WLS: variants seen among roughly 807,000 people sequenced by gnomAD.
WLS encodes Wnt ligand secretion mediator.
A neutral mutation model predicts 62.8 loss-of-function variants in WLS; 23 were observed. The ratio of observed to expected loss-of-function variants is 0.37; its 90% CI spans 0.26 to 0.52. The LOEUF (loss-of-function observed/expected upper bound fraction) is 0.52, where lower values mean the gene tolerates loss of function less well. Ranked by LOEUF, WLS falls within the 20% of genes least tolerant of loss-of-function variation. WLS has a pLI of 0.92. For missense variants in WLS, 615 were observed against 697.3 expected (o/e 0.88, Z 1.33); for synonymous variants, 246 against 244.1 (o/e 1.01, Z -0.07).
intron 11 of WLS, among the ~76,000 whole-genome samples, chr1:68,135,492 A>G (rs1646595409): frequency 6.6e-6 from 1 of 152,046 alleles, no homozygotes; most frequent in South Asian, 2.1e-4. Context: ...TTAGGAGATC[A>G]CTTACATTTG....
intron 1 of WLS, chr1:68,202,764 G>C (rs757468071): frequency 3.3e-5 from 5 of 152,086 alleles, no homozygotes; most frequent in Non-Finnish European, 7.4e-5. Flanking sequence ...TTACTACCTT[G>C]GGCTATGATG....
At chr1:68,106,344 C>G (rs1646142579) in intron 11 of WLS, among the ~76,000 whole-genome samples, 1 of 152,028 alleles carries the variant, frequency 6.6e-6, no homozygotes, top group South Asian at 2.1e-4. Flanking sequence ...CGAGGGGGGC[C>G]TAAGGGAGCC....
At chr1:68,112,381 G>A (rs1426587595) in intron 11 of WLS, among the ~76,000 whole-genome samples, 1 of 152,200 alleles carries the variant, frequency 6.6e-6, no homozygotes, top group African/African-American at 2.4e-5. Flanking sequence ...AAAGCAAAAT[G>A]TGTGGGTCCC....
chr1:68,140,339 G>C (rs1248566429), intron 10 of WLS, among the ~76,000 whole-genome samples: 2 of 152,162 alleles, frequency 1.3e-5, no homozygotes, highest in Non-Finnish European at 2.9e-5. Flanking sequence ...TCTGAAGGTA[G>C]CACATGAGGC....
intron 2 of WLS, among the ~76,000 whole-genome samples, chr1:68,182,342 A>C (rs1647631360): frequency 6.6e-6 from 1 of 152,218 alleles, no homozygotes; most frequent in Admixed American, 6.5e-5. Flanking sequence ...TCAAAGCCAA[A>C]GGTTCCCATG....
chr1:68,142,761 A>G (rs1441532207), intron 10 of WLS: 2 of 152,156 alleles, frequency 1.3e-5, no homozygotes, highest in Non-Finnish European at 2.9e-5. Flanking sequence ...AGAGCTAGCA[A>G]CACTAACACT....
At chr1:68,220,763 A>C (rs1484877734) in intron 1 of WLS, among the ~76,000 whole-genome samples, 1 of 152,220 alleles carries the variant, frequency 6.6e-6, no homozygotes, top group Non-Finnish European at 1.5e-5. Flanking sequence ...CAACTTTCAA[A>C]ATTACTAAAA....
intron 2 of WLS, chr1:68,161,904 T>C: frequency 6.2e-7 from 1 of 1,610,410 alleles, no homozygotes; most frequent in East Asian, 2.2e-5. Context: ...GAAGTCCTCC[T>C]GGAGCCACGC....
chr1:68,160,319 T>A (rs964799570), intron 2 of WLS, among the ~76,000 whole-genome samples: 13 of 152,154 alleles, frequency 8.5e-5, no homozygotes, highest in Non-Finnish European at 1.2e-4. Context: ...TGTTTTTTTT[T>A]AATTGACTTA....
chr1:68,207,766 TGTACTAAAAG>T (rs1649336751), intron 1 of WLS, among the ~76,000 whole-genome samples: 1 of 152,246 alleles, frequency 6.6e-6, no homozygotes, highest in Admixed American at 6.5e-5. Flanking sequence ...TTTGTAAAAG[TGTACTAAAAG>T]GTACTCGCCT....
chr1:68,130,457 CAAA>C (rs1024788391), intron 11 of WLS, among the ~76,000 whole-genome samples: 1 of 152,144 alleles, frequency 6.6e-6, no homozygotes, highest in Non-Finnish European at 1.5e-5. Flanking sequence ...TGTCTACCTC[CAAA>C]GCTTATGTTC....
At chr1:68,197,562 T>C (rs1209796243) in intron 1 of WLS, among the ~76,000 whole-genome samples, 1 of 152,162 alleles carries the variant, frequency 6.6e-6, no homozygotes, top group Non-Finnish European at 1.5e-5. Context: ...TAAACAGACA[T>C]CCTGATATTC....
chr1:68,147,218 A>G (rs1646764028), intron 8 of WLS, among the ~76,000 whole-genome samples: 1 of 152,148 alleles, frequency 6.6e-6, no homozygotes, highest in Admixed American at 6.5e-5. Flanking sequence ...TACTCACTCC[A>G]TCCTATCTAC....
intron 2 of WLS, among the ~76,000 whole-genome samples, chr1:68,168,986 G>A (rs1020164904): frequency 2.2e-4 from 34 of 152,342 alleles, no homozygotes; most frequent in South Asian, 8.3e-4. Flanking sequence ...CTACAGGCCT[G>A]GGTGTGAGTG....
intron 11 of WLS, among the ~76,000 whole-genome samples, chr1:68,128,399 G>C (rs796724558): frequency 9.2e-5 from 14 of 152,318 alleles, no homozygotes; most frequent in African/African-American, 2.9e-4. Flanking sequence ...ATCTGGGCTA[G>C]CCATCAGAAC....
downstream of WLS, among the ~76,000 whole-genome samples, chr1:68,124,849 T>G (rs1646406142): frequency 6.6e-6 from 1 of 152,200 alleles, no homozygotes; most frequent in South Asian, 2.1e-4. Flanking sequence ...AACAAGTTAC[T>G]CATGAAACTG....
In WLS at chr1:68,133,340, C is replaced by T. The variant is rs113970514; in HGVS notation, c.1516+4440G>A. Among the ~76,000 whole-genome samples the T allele has an allele frequency of 9.7e-4, 148 of 152,250 alleles. No individual in the cohort carries two copies. In the East Asian group the frequency reaches 0.017, roughly 17 times the overall value. Reference sequence around the variant, plus strand: ...AAGCCTGTGGCTATAAAGAATGTGGCGCCACACTCCCGCAGCACCTATCTG... The same window carrying T: ...AAGCCTGTGGCTATAAAGAATGTGGTGCCACACTCCCGCAGCACCTATCTG... On this transcript the variant is annotated intron_variant, in intron 11 of 11. Transcript: ENST00000262348.
chr1:68,134,622 T>A (rs918422999), intron 11 of WLS, among the ~76,000 whole-genome samples: 1 of 152,224 alleles, frequency 6.6e-6, no homozygotes, highest in African/African-American at 2.4e-5. Context: ...CCCTAGAATC[T>A]GGACACTAAA....
At chr1:68,117,069 T>G (rs1482706087) in intron 11 of WLS, among the ~76,000 whole-genome samples, 1 of 151,958 alleles carries the variant, frequency 6.6e-6, no homozygotes, top group African/African-American at 2.4e-5. Flanking sequence ...ACTTTCAATT[T>G]CCTTCCTCCC....
Sources: gnomAD v4.1 joint callset for allele counts (sites outside exome capture counted in the v4.1 genomes callset) on GRCh38, gnomAD v4.1.1 for gene constraint, MANE v1.5 for transcripts, NCBI Gene and HGNC (gene_info 2026-07-23, HGNC 2026-07-21) for gene names.